Variants in PARVA observed in about 807,000 individuals in gnomAD.
PARVA encodes the protein alpha-parvin.
Under a neutral mutation model 52.6 loss-of-function variants are expected in PARVA, and 25 were observed. The ratio of observed to expected loss-of-function variants is 0.48; its 90% CI spans 0.35 to 0.66. The LOEUF (loss-of-function observed/expected upper bound fraction) is 0.66. Among genes scored for constraint, PARVA ranks in the 30% least tolerant of loss-of-function variants. PARVA has a pLI of 0.01. For missense variants in PARVA, 373 were observed against 450.9 expected, an observed-to-expected ratio of 0.83 and a Z score of 1.56; for synonymous variants, 185 against 179.1, an observed-to-expected ratio of 1.03 and a Z score of -0.26.
chr11:12,519,847 G>T (rs1349657903), intron 12 of PARVA, among the ~76,000 whole-genome samples: 1 of 152,184 alleles, frequency 6.6e-6, no homozygotes, highest in African/African-American at 2.4e-5. Context: ...AGCAAGGCTG[G>T]TGTCCCCCTG....
At chr11:12,499,392 G>A (rs1274491840) in intron 5 of PARVA, among the ~76,000 whole-genome samples, 2 of 151,702 alleles carry the variant, frequency 1.3e-5, no homozygotes, top group African/African-American at 4.8e-5. Flanking sequence ...GGGACAGGCT[G>A]CTGAGTTACC....
chr11:12,394,133 T>C (rs890422679), intron 1 of PARVA, among the ~76,000 whole-genome samples: 28 of 152,194 alleles, frequency 1.8e-4, no homozygotes, highest in African/African-American at 6.3e-4. Flanking sequence ...TTTTCATTTT[T>C]CAGATGAGGA....
At chr11:12,447,812 C>G (rs959268020) in intron 1 of PARVA, among the ~76,000 whole-genome samples, 7 of 152,204 alleles carry the variant, frequency 4.6e-5, no homozygotes, top group African/African-American at 1.7e-4. Context: ...AAAGACCACT[C>G]CCAGTGTTGG....
At chr11:12,477,809 T>G (rs908588072) in intron 3 of PARVA, 38 bp from the exon 4 acceptor site, 10 of 1,076,768 alleles carry the variant, frequency 9.3e-6, no homozygotes, top group Non-Finnish European at 1.4e-5. Flanking sequence ...CATAACTCTT[T>G]TCTTACTATT....
Position 12,533,689 on chromosome 11 carries a change from C to A in PARVA, c.*5764C>A, listed in dbSNP as rs1425918452. Among the ~76,000 whole-genome samples the A allele has an allele frequency of 6.6e-6, 1 of 151,808 alleles. No homozygotes were observed. Among genetic ancestry groups the A allele is most frequent in the Non-Finnish European group, 1.5e-5 (1 of 68,010 alleles). ...CATTATATACTATATCCTTACCATA[C>A]GGTAAGCTAGAGAAAAAATGTTACT... On this transcript the variant is annotated 3_prime_UTR_variant, in exon 13 of 13. Coordinates refer to ENST00000334956, the MANE Select transcript of PARVA (RefSeq NM_018222.5).
intron 1 of PARVA, among the ~76,000 whole-genome samples, chr11:12,422,949 G>A (rs540744154): frequency 4.4e-4 from 67 of 152,170 alleles, no homozygotes; most frequent in Admixed American, 7.2e-4. Context: ...TCCACCTCCC[G>A]GTTCAAGCAA....
At chr11:12,514,165 A>AG in intron 10 of PARVA, 100 bp downstream of exon 10, 5 of 828,158 alleles carry the variant, frequency 6.0e-6, no homozygotes, top group South Asian at 1.4e-5. Context: ...TTCCCAGCTG[A>AG]GGGGGATGAG....
Position 12,529,453 on chromosome 11 carries a change from G to A in PARVA, c.*1528G>A, listed in dbSNP as rs960390610. Reference sequence around the variant, plus strand: ...AGCCATCAACTGACTGAGACCTTGGGCTAAATAATCAATTGTGCTGATATT... The same window carrying A: ...AGCCATCAACTGACTGAGACCTTGGACTAAATAATCAATTGTGCTGATATT... On this transcript the variant is annotated 3_prime_UTR_variant, in exon 13 of 13. Transcript: ENST00000334956. The A allele has an allele frequency of 6.6e-6, 1 of 152,180 alleles. No homozygotes were observed. Among genetic ancestry groups the A allele is most frequent in the African/African-American group, 2.4e-5 (1 of 41,434 alleles). The allele number at this position is 152,180 out of a possible 1,614,324, so 9.4% of individuals were successfully genotyped here.
chr11:12,471,295 C>T (rs778564468), intron 1 of PARVA, among the ~76,000 whole-genome samples: 66 of 152,282 alleles, frequency 4.3e-4, no homozygotes, highest in African/African-American at 1.6e-3. Flanking sequence ...CTTGGAGCTC[C>T]AGGCTGGAGA....
intron 1 of PARVA, among the ~76,000 whole-genome samples, chr11:12,446,103 A>G (rs1250440767): frequency 2.0e-5 from 3 of 152,164 alleles, no homozygotes; most frequent in African/African-American, 7.2e-5. Flanking sequence ...GTGAAAAGAG[A>G]AGCAACAGAT....
intron 1 of PARVA, among the ~76,000 whole-genome samples, chr11:12,419,170 C>G (rs1404575346): frequency 6.6e-6 from 1 of 152,128 alleles, no homozygotes; most frequent in East Asian, 1.9e-4. Flanking sequence ...TTTAAGTGTA[C>G]AGTTCAGTAG....
chr11:12,378,471 G>C (rs1236492099), intron 1 of PARVA, among the ~76,000 whole-genome samples: 1 of 152,094 alleles, frequency 6.6e-6, no homozygotes, highest in Non-Finnish European at 1.5e-5. Flanking sequence ...AAACCTGCGT[G>C]AGACACAAAC....
At position 12,534,635 on chromosome 11, in the gene PARVA, T is replaced by G. The variant is rs376938940; in HGVS notation, c.*6710T>G. ...TCATTCCAAGACACACAAATGTCATTAAGGCAACCGCTTAAAGGAGTGTGA... is the reference window on the plus strand; with the variant it reads ...TCATTCCAAGACACACAAATGTCATGAAGGCAACCGCTTAAAGGAGTGTGA... On this transcript the variant is annotated 3_prime_UTR_variant, in exon 13 of 13. Coordinates refer to ENST00000334956, the MANE Select transcript of PARVA (RefSeq NM_018222.5). Among the ~76,000 whole-genome samples, 53 of 152,360 alleles carry G rather than the reference T, an allele frequency of 3.5e-4. No homozygotes were observed. The highest frequency in any genetic ancestry group is 1.2e-3 in the African/African-American group (51 of 41,592).
intron 10 of PARVA, among the ~76,000 whole-genome samples, 170 bp from the exon 11 acceptor site, chr11:12,517,440 G>A (rs1010115633): frequency 5.3e-5 from 8 of 152,054 alleles, no homozygotes; most frequent in African/African-American, 1.4e-4. Context: ...CCAGCCAGAC[G>A]TGGGGCAGAG....
intron 6 of PARVA, among the ~76,000 whole-genome samples, chr11:12,505,193 G>T (rs566324677): frequency 1.3e-5 from 2 of 152,104 alleles, no homozygotes; most frequent in Non-Finnish European, 2.9e-5. Context: ...CCTTTTGTTT[G>T]CTTGTTCCTG....
chr11:12,460,041 TA>T (rs1589965671), intron 1 of PARVA, among the ~76,000 whole-genome samples: 1 of 152,244 alleles, frequency 6.6e-6, no homozygotes, highest in Non-Finnish European at 1.5e-5. Flanking sequence ...CTCCTGGCTT[TA>T]CGTGGGAATG....
chr11:12,513,319 T>A lies in PARVA; in HGVS notation c.757T>A (p.Leu253Met), dbSNP rs1286000429. The change falls in exon 9 of 13, where the codon TTG (leucine) becomes ATG (methionine). Residue 253 changes from leucine (L) to methionine (M), a missense_variant. Coordinates refer to ENST00000334956, the MANE Select transcript of PARVA (RefSeq NM_018222.5). ...GRHERDAFDT[L>M]FDHAPDKLNV... Reference sequence around the variant, plus strand: ...TTCAGAACGTGATGCCTTTGACACCTTGTTCGACCATGCCCCAGACAAGCT... The same window carrying A: ...TTCAGAACGTGATGCCTTTGACACCATGTTCGACCATGCCCCAGACAAGCT... 1.2e-6 allele frequency: 2 copies of A among 1,613,736 alleles called. No homozygotes were observed. Among genetic ancestry groups the A allele is most frequent in the Non-Finnish European group, 8.5e-7 (1 of 1,179,776 alleles).
intron 4 of PARVA, 102 bp from the exon 5 acceptor site, chr11:12,496,356 A>ATGCATGAGTGCATGCT: frequency 8.1e-7 from 1 of 1,228,398 alleles, no homozygotes; most frequent in Non-Finnish European, 1.1e-6. Flanking sequence ...GAGTGCATGC[A>ATGCATGAGTGCATGCT]TGCATGAGTG....
intron 12 of PARVA, 53 bp from the exon 13 acceptor site, chr11:12,527,796 T>G: frequency 7.2e-7 from 1 of 1,398,596 alleles, no homozygotes; most frequent in Non-Finnish European, 1.0e-6. Context: ...GTATGCCAGC[T>G]TTGGAACATG....
Sources: allele counts gnomAD v4.1 joint callset (sites outside exome capture counted in the v4.1 genomes callset), GRCh38; gene constraint gnomAD v4.1.1; transcripts MANE v1.5; gene names NCBI Gene and HGNC (gene_info 2026-07-23, HGNC 2026-07-21).